Variants in ACY3 observed in about 807,000 individuals in gnomAD.
ACY3 encodes aminoacylase 3, also known as N-acyl-aromatic-L-amino acid amidohydrolase (carboxylate-forming).
A neutral mutation model predicts 24.6 loss-of-function variants in ACY3; 20 were observed. That is an observed-to-expected ratio of 0.81 (90% CI 0.57 to 1.18). ACY3 has a LOEUF of 1.18. ACY3 is among the 50% of genes most tolerant of loss of function. The pLI, the probability that ACY3 is intolerant of heterozygous loss-of-function variation, is 0.00. For synonymous variants in ACY3, 174 were observed against 188.4 expected (o/e 0.92, Z 0.62); for missense variants, 423 against 426.8 (o/e 0.99, Z 0.08).
chr11:67,644,242 G>C (rs1823314140), intron 7 of ACY3, among the ~76,000 whole-genome samples: 1 of 152,094 alleles, frequency 6.6e-6, no homozygotes, highest in African/African-American at 2.4e-5. Context: ...GTGGCAGCAA[G>C]CAGAGCAGCA....
intron 7 of ACY3, among the ~76,000 whole-genome samples, chr11:67,643,245 C>T (rs1346850604): frequency 6.6e-6 from 1 of 152,280 alleles, no homozygotes; most frequent in Admixed American, 6.5e-5. Context: ...GAGCAAGTCA[C>T]TTAACCTCTG....
Position 67,645,777 on chromosome 11 carries a change from T to G in ACY3, c.347A>C (p.His116Pro). ...GQAFDFVLDL[H>P]NTTANMGTCL... The stretch of plus-strand genomic sequence containing the variant: ...GGTGCCCATGTTGGCCGTGGTGTTG[T>G]GCAGGTCAAGGACAAAGTCAAAGGC... Residue 116 changes from histidine to proline, a missense_variant, in exon 4 of 8, where the codon CAC (histidine) becomes CCC (proline). His to Pro is a moderately conservative substitution (Grantham distance 77, BLOSUM62 -2). Coordinates refer to ENST00000255082, the MANE Select transcript of ACY3 (RefSeq NM_080658.2). 2 of 1,613,944 alleles carry G rather than the reference T, an allele frequency of 1.2e-6. No homozygotes were observed. Among genetic ancestry groups the G allele is most frequent in the Non-Finnish European group, 1.7e-6 (2 of 1,179,956 alleles).
At chr11:67,649,573 T>C (rs577287639) in intron 1 of ACY3, among the ~76,000 whole-genome samples, 78 of 151,468 alleles carry the variant, frequency 5.1e-4, no homozygotes, top group Non-Finnish European at 1.0e-3. Context: ...CATCTGTACA[T>C]GTGTGCGTGT....
intron 4 of ACY3, 67 bp from the exon 5 acceptor site, chr11:67,645,447 G>T: frequency 6.6e-7 from 1 of 1,521,476 alleles, no homozygotes; most frequent in Non-Finnish European, 9.0e-7. Context: ...GTGGGAAGGT[G>T]TTGCATGGAG....
At chr11:67,643,067 C>T in intron 7 of ACY3, 128 bp from the exon 8 acceptor site, 1 of 791,228 alleles carries the variant, frequency 1.3e-6, no homozygotes, top group African/African-American at 1.7e-5. Context: ...GCTTCACTTC[C>T]TTAATCCATA....
chr11:67,644,840 C>T lies in ACY3; in HGVS notation c.664G>A (p.Ala222Thr). 6.3e-7 allele frequency: 1 copy of T among 1,592,368 alleles called. No individual in the cohort carries two copies. The highest frequency in any genetic ancestry group is 1.3e-5 in the African/African-American group (1 of 74,476). The change falls in exon 7 of 8, where the codon GCC becomes ACC. Residue 222 changes from alanine (A) to threonine (T), a missense_variant. Transcript: ENST00000255082. ...TCCACGACGCCCACGGGTCTATAGG[C>T]TTCCATCTCAAAGGCAGGAAAGGCC... ...GTAFPAFEME[A>T]YRPVGVVDFP...
In ACY3 at chr11:67,642,818, T is replaced by C. The variant is rs148549665; in HGVS notation, c.866A>G (p.Tyr289Cys). 59 of 1,614,002 alleles carry C rather than the reference T, an allele frequency of 3.7e-5. 1 individual carries two copies. Among genetic ancestry groups the C allele is most frequent in the Non-Finnish European group, 4.0e-5 (47 of 1,180,032 alleles). ...CTGGACAAAGGCAACGCCCTTCTCA[T>C]AGTAGGCAGCCTCGTTAATGAACAC... ...YPVFINEAAY[Y>C]EKGVAFVQTE... is the part of the protein sequence containing the mutation. The change falls in exon 8 of 8, where the codon TAT becomes TGT. Residue 289 changes from tyrosine (Y) to cysteine (C), a missense_variant. Tyr to Cys is a radical substitution (Grantham distance 194, BLOSUM62 -2). Coordinates refer to ENST00000255082, the MANE Select transcript of ACY3 (RefSeq NM_080658.2).
intron 1 of ACY3, among the ~76,000 whole-genome samples, chr11:67,648,335 C>A (rs190128580): frequency 6.6e-6 from 1 of 152,142 alleles, no homozygotes; most frequent in Admixed American, 6.5e-5. Flanking sequence ...GCCCTAGAGG[C>A]GGGCTGTAGG....
chr11:67,645,292 C>G lies in ACY3; in HGVS notation c.521G>C (p.Gly174Ala). The part of the protein sequence containing the change: ...SYNLDSVAKN[G>A]LGLELGPQPQ... ...CTCAGAAGGCTGCGGCCCACCCAGTCCATTTTTGGCCACAGAGTCCAGGTT... is the reference window on the plus strand; with the variant it reads ...CTCAGAAGGCTGCGGCCCACCCAGTGCATTTTTGGCCACAGAGTCCAGGTT... Residue 174 changes from glycine (G) to alanine (A), a missense_variant, in exon 5 of 8, where the codon GGA becomes GCA. By Grantham distance (60) the Gly-to-Ala change is moderately conservative. Coordinates refer to ENST00000255082, the MANE Select transcript of ACY3 (RefSeq NM_080658.2). 6.2e-7 allele frequency: 1 copy of G among 1,613,624 alleles called. No homozygotes were observed. Among genetic ancestry groups the G allele is most frequent in the East Asian group, 2.2e-5 (1 of 44,880 alleles).
At chr11:67,646,108 GC>G (rs1408427174) in intron 3 of ACY3, among the ~76,000 whole-genome samples, 7 of 152,070 alleles carry the variant, frequency 4.6e-5, no homozygotes, top group Non-Finnish European at 1.0e-4. Flanking sequence ...CCTCCCACCT[GC>G]CTGCCCACTT....
At chr11:67,643,077 A>G (rs1184227016) in intron 7 of ACY3, 138 bp from the exon 8 acceptor site, 1 of 739,982 alleles carries the variant, frequency 1.4e-6, no homozygotes, top group Admixed American at 2.3e-5. Flanking sequence ...CTTAATCCAT[A>G]TGACAGCAGG....
chr11:67,648,126 T>C (rs971535637), intron 1 of ACY3, among the ~76,000 whole-genome samples: 17 of 152,208 alleles, frequency 1.1e-4, no homozygotes, highest in Non-Finnish European at 2.5e-4. Context: ...TCAAGGACAG[T>C]GTAACTCAGA....
At chr11:67,646,413 A>G (rs1390239750) in intron 3 of ACY3, among the ~76,000 whole-genome samples, 2 of 152,044 alleles carry the variant, frequency 1.3e-5, no homozygotes, top group Non-Finnish European at 2.9e-5. Flanking sequence ...TGAAGCCAAC[A>G]CCTTGGTCCT....
chr11:67,646,759 G>A (rs1855523174), intron 3 of ACY3, 49 bp downstream of exon 3: 1 of 1,564,226 alleles, frequency 6.4e-7, no homozygotes, highest in South Asian at 1.1e-5. Flanking sequence ...TTTGTGGTGG[G>A]GACTCGGTGC....
At position 67,645,153 on chromosome 11, in the gene ACY3, C is replaced by A. The variant is rs1205854225; in HGVS notation, c.527-1G>T. ...TGTGGCTGGGGGCCCAGCTCCAGAC[C>A]TGGGGACCAGGAAGCAAGGGGTTAG... On this transcript the variant is annotated splice_acceptor_variant, in intron 5 of 7. Coordinates refer to ENST00000255082, the MANE Select transcript of ACY3 (RefSeq NM_080658.2). LOFTEE classifies it high-confidence loss of function. 1 of 1,611,338 alleles carries A rather than the reference C, an allele frequency of 6.2e-7. No homozygotes were observed. Among genetic ancestry groups the A allele is most frequent in the Non-Finnish European group, 8.5e-7 (1 of 1,179,024 alleles).
Position 67,642,798 on chromosome 11 carries a change from C to G in ACY3, c.886G>C (p.Val296Leu), listed in dbSNP as rs1035349043. The G allele has an allele frequency of 1.2e-6, 2 of 1,614,004 alleles. No homozygotes were observed. The highest frequency in any genetic ancestry group is 1.7e-6 in the Non-Finnish European group (2 of 1,180,044). ...GTGAATGTGAACTTCTCAGTCTGGA[C>G]AAAGGCAACGCCCTTCTCATAGTAG... ...AAYYEKGVAF[V>L]QTEKFTFTVP... is the part of the protein sequence containing the mutation. Residue 296 changes from valine to leucine, a missense_variant, in exon 8 of 8, where the codon GTC (valine) becomes CTC (leucine). Physicochemically the swap from Val to Leu is conservative, Grantham distance 32 (BLOSUM62 1). Transcript: ENST00000255082.
rs377442739 is a variant in ACY3 at position 67,645,309 on chromosome 11, G to A, written c.504C>T (p.Asp168=). The part of the protein sequence containing the change: ...QRSGEESYNL[D]SVAKNGLGLE... The stretch of plus-strand genomic sequence containing the variant: ...CACCCAGTCCATTTTTGGCCACAGA[G>A]TCCAGGTTGTAGCTCTCCTCCCCAG... Residue 168 remains aspartate (D), a synonymous_variant, in exon 5 of 8, where the codon GAC becomes GAT. Transcript: ENST00000255082. The A allele has an allele frequency of 4.3e-6, 7 of 1,613,578 alleles. No homozygotes were observed. The African/African-American group carries it at 5.3e-5, about 12-fold the overall frequency.
chr11:67,649,716 CGT>C (rs753771829), intron 1 of ACY3, among the ~76,000 whole-genome samples: 36 of 143,008 alleles, frequency 2.5e-4, no homozygotes, highest in Admixed American at 1.7e-3. Context: ...TACATGTGTG[CGT>C]GTGTGCATGA....
chr11:67,642,845 G>C lies in ACY3; in HGVS notation c.839C>G (p.Pro280Arg). 1 of 1,614,092 alleles carries C rather than the reference G, an allele frequency of 6.2e-7. No homozygotes were observed. The highest frequency in any genetic ancestry group is 8.5e-7 in the Non-Finnish European group (1 of 1,180,032). ...LLYEGESTVY[P>R]VFINEAAYYE... is the part of the protein sequence containing the mutation. The stretch of plus-strand genomic sequence containing the variant: ...GTAGGCAGCCTCGTTAATGAACACG[G>C]GGTACACCGTGGACTCTCCCTCATA... Residue 280 changes from proline (P) to arginine (R), a missense_variant, in exon 8 of 8, where the codon CCC becomes CGC. Physicochemically the swap from Pro to Arg is moderately radical, Grantham distance 103 (BLOSUM62 -2). Transcript: ENST00000255082.
Sources: gnomAD v4.1 joint callset for allele counts (sites outside exome capture counted in the v4.1 genomes callset) on GRCh38, gnomAD v4.1.1 for gene constraint, MANE v1.5 for transcripts, NCBI Gene and HGNC (gene_info 2026-07-23, HGNC 2026-07-21) for gene names.